Variants in AMMECR1 observed in about 807,000 individuals in gnomAD.
AMMECR1 encodes the protein AMMECR nuclear protein 1.
AMMECR1 carries 3 observed loss-of-function variants against 22.5 expected under a neutral mutation model. The ratio of observed to expected loss-of-function variants is 0.13; its 90% confidence interval spans 0.06 to 0.35. The LOEUF is 0.35. Among genes scored for constraint, AMMECR1 ranks in the 10% least tolerant of loss-of-function variants. The pLI is 1.00. For synonymous variants in AMMECR1, 130 were observed against 116.7 expected (o/e 1.11, Z -0.74); for missense variants, 235 against 278.7 (o/e 0.84, Z 1.12).
intron 2 of AMMECR1, among the ~76,000 whole-genome samples, chrX:110,228,689 G>A (rs780415052): frequency 9.0e-6 from 1 of 110,888 alleles, no homozygotes; most frequent in Non-Finnish European, 1.9e-5. Flanking sequence ...AAGCAGATAA[G>A]GGTGGGGGAG....
intron 2 of AMMECR1, among the ~76,000 whole-genome samples, chrX:110,392,704 G>A (rs1013599764): frequency 3.6e-5 from 4 of 111,996 alleles, no homozygotes; most frequent in African/African-American, 1.3e-4. Context: ...TGTGCCTAGA[G>A]TATATAGAGG....
At chrX:110,302,121 T>C (rs140782678) in intron 1 of AMMECR1, among the ~76,000 whole-genome samples, 3 of 111,657 alleles carry the variant, frequency 2.7e-5, no homozygotes, top group Non-Finnish European at 5.6e-5. Flanking sequence ...AAATCCACAA[T>C]GATCTTATGG....
intron 1 of AMMECR1, among the ~76,000 whole-genome samples, chrX:110,302,138 T>C (rs1187968948): frequency 9.0e-6 from 1 of 111,497 alleles, no homozygotes; most frequent in Admixed American, 9.5e-5. Flanking sequence ...ATGGTTTCAG[T>C]TATATGCATA....
In AMMECR1 at chrX:110,219,319, T is replaced by G. The variant is rs2067489416; in HGVS notation, c.585-2687A>C. ...CCAATATTTGTTGTTGTTTGACCTT[T>G]TGAATATAGTGCTAGACCTCCTTTA... On this transcript the variant is annotated intron_variant, in intron 2 of 5. Transcript: ENST00000262844. 5 of 744,151 alleles carry G rather than the reference T, an allele frequency of 6.7e-6. No homozygotes were observed. In the East Asian group the frequency reaches 6.0e-4, roughly 90 times the overall value. 61.3% of individuals were successfully genotyped at this position (744,151 alleles called of 1,213,427 possible). A position where few individuals can be genotyped will look rare whatever the true frequency, so the allele number is the denominator to read the frequency against.
At chrX:110,381,208 A>C (rs1242478809) in intron 2 of AMMECR1, among the ~76,000 whole-genome samples, 2 of 112,327 alleles carry the variant, frequency 1.8e-5, no homozygotes, top group African/African-American at 3.2e-5. Context: ...AATATCCAGC[A>C]TCTATAAGGA....
At chrX:110,239,547 T>C (rs2067619832) in intron 2 of AMMECR1, among the ~76,000 whole-genome samples, 1 of 111,559 alleles carries the variant, frequency 9.0e-6, no homozygotes, top group Admixed American at 9.5e-5. Context: ...TATGGGACTA[T>C]ATGAAAAGAC....
intron 1 of AMMECR1, among the ~76,000 whole-genome samples, chrX:110,271,425 T>C (rs2067797693): frequency 8.9e-6 from 1 of 112,353 alleles, no homozygotes; most frequent in African/African-American, 3.2e-5. Context: ...ATTGGGAAGG[T>C]AGAATTTTTT....
intron 1 of AMMECR1, among the ~76,000 whole-genome samples, chrX:110,270,987 A>G (rs376173097): frequency 3.6e-5 from 4 of 112,263 alleles, no homozygotes; most frequent in East Asian, 5.5e-4. Flanking sequence ...ACTCCTCCAG[A>G]TAATATGAAA....
At chrX:110,405,101 C>CA (rs1556161294) in intron 2 of AMMECR1, among the ~76,000 whole-genome samples, 1 of 96,173 alleles carries the variant, frequency 1.0e-5, no homozygotes, top group Admixed American at 1.1e-4. Flanking sequence ...CCCCCCCCCC[C>CA]AAGCATGAGT....
At chrX:110,398,322 G>A (rs2068541872) in intron 2 of AMMECR1, among the ~76,000 whole-genome samples, 1 of 110,004 alleles carries the variant, frequency 9.1e-6, no homozygotes, top group Non-Finnish European at 1.9e-5. Context: ...TGGCTGGGAG[G>A]GGGAAAAGAA....
intron 1 of AMMECR1, among the ~76,000 whole-genome samples, chrX:110,274,280 T>G (rs928026292): frequency 1.1e-4 from 12 of 112,231 alleles, no homozygotes; most frequent in Non-Finnish European, 1.9e-4. Context: ...TTGGTAGTAT[T>G]GATCATGTTT....
chrX:110,369,199 G>C (rs960091036), intron 2 of AMMECR1, among the ~76,000 whole-genome samples: 3 of 110,824 alleles, frequency 2.7e-5, no homozygotes, highest in Non-Finnish European at 3.8e-5. Flanking sequence ...GGGTGTGGTG[G>C]CACGCTCCTG....
At chrX:110,372,149 C>T (rs1034393297) in intron 2 of AMMECR1, among the ~76,000 whole-genome samples, 3 of 111,788 alleles carry the variant, frequency 2.7e-5, no homozygotes, top group African/African-American at 9.8e-5. Context: ...TCTTGGGCTT[C>T]TTATGATTGG....
intron 1 of AMMECR1, among the ~76,000 whole-genome samples, 154 bp from the exon 2 acceptor site, chrX:110,264,753 T>C (rs2067759031): frequency 8.9e-6 from 1 of 111,956 alleles, no homozygotes; most frequent in Non-Finnish European, 1.9e-5. Flanking sequence ...AGGACTACAT[T>C]TAGCAAAAGT....
At chrX:110,357,094 A>T (rs959700502) in intron 2 of AMMECR1, among the ~76,000 whole-genome samples, 2 of 112,116 alleles carry the variant, frequency 1.8e-5, no homozygotes, top group Non-Finnish European at 3.8e-5. Context: ...AGAACTGAGT[A>T]TGTATACATT....
intron 2 of AMMECR1, among the ~76,000 whole-genome samples, chrX:110,340,582 T>C (rs1369348668): frequency 8.9e-6 from 1 of 111,917 alleles, no homozygotes; most frequent in East Asian, 2.8e-4. Context: ...AGTGTGACCA[T>C]GAACAAATCA....
At chrX:110,238,871 G>T (rs903565812) in intron 2 of AMMECR1, among the ~76,000 whole-genome samples, 1 of 112,306 alleles carries the variant, frequency 8.9e-6, no homozygotes, top group Non-Finnish European at 1.9e-5. Flanking sequence ...AATCTTTGCT[G>T]TTCTGCAGCC....
chrX:110,363,933 G>C (rs1053618371), intron 2 of AMMECR1, among the ~76,000 whole-genome samples: 3 of 112,053 alleles, frequency 2.7e-5, no homozygotes, highest in African/African-American at 9.7e-5. Flanking sequence ...GAGGTTATGT[G>C]ACTTAAGCCC....
chrX:110,374,463 T>A (rs1406875426), intron 2 of AMMECR1, among the ~76,000 whole-genome samples: 1 of 112,171 alleles, frequency 8.9e-6, no homozygotes, highest in Non-Finnish European at 1.9e-5. Flanking sequence ...TCTATTTATT[T>A]ATATATTTGT....
Sources: gnomAD v4.1 joint callset for allele counts (sites outside exome capture counted in the v4.1 genomes callset) on GRCh38, gnomAD v4.1.1 for gene constraint, MANE v1.5 for transcripts, NCBI Gene and HGNC (gene_info 2026-07-23, HGNC 2026-07-21) for gene names.